STAR: variants seen among roughly 807,000 people sequenced by gnomAD.
The protein encoded by STAR is steroidogenic acute regulatory protein, also known as steroidogenic acute regulatory protein, mitochondrial.
Under a neutral mutation model 32.3 loss-of-function variants are expected in STAR, and 32 were observed. The observed-to-expected ratio is 0.99, with a 90% CI of 0.75 to 1.33. The LOEUF is 1.33. Among genes scored for constraint, STAR ranks in the 40% most tolerant of loss-of-function variants. STAR has a pLI of 0.00. For synonymous variants in STAR, 134 were observed against 140.5 expected (o/e 0.95, Z 0.33); for missense variants, 375 against 379.0 (o/e 0.99, Z 0.09).
intron 5 of STAR, 74 bp downstream of exon 5, chr8:38,145,889 A>G: frequency 1.9e-6 from 3 of 1,586,620 alleles, no homozygotes; most frequent in Non-Finnish European, 2.6e-6. Context: ...CTGGGGATGC[A>G]GTCCACATGC....
chr8:38,145,711 C>T (rs916059125), intron 5 of STAR: 12 of 594,374 alleles, frequency 2.0e-5, no homozygotes, highest in Non-Finnish European at 3.6e-5. Context: ...CTCAGCCCTG[C>T]CCCATGCTTC....
chr8:38,145,056 A>T, intron 6 of STAR, 166 bp downstream of exon 6: 1 of 1,480,490 alleles, frequency 6.8e-7, no homozygotes, highest in African/African-American at 1.4e-5. Flanking sequence ...CAGGCTTTGG[A>T]GATGGTAGAG....
chr8:38,147,672 A>G (rs951401439), intron 3 of STAR, among the ~76,000 whole-genome samples: 1 of 152,246 alleles, frequency 6.6e-6, no homozygotes, highest in East Asian at 1.9e-4. Context: ...TAAAGCCACC[A>G]AAATCTCCAT....
chr8:38,147,286 T>C (rs1202506732), intron 3 of STAR, among the ~76,000 whole-genome samples: 1 of 152,174 alleles, frequency 6.6e-6, no homozygotes, highest in African/African-American at 2.4e-5. Flanking sequence ...GGACCCTTTG[T>C]CTTGGTGGTG....
chr8:38,143,539 T>C lies in STAR; in HGVS notation c.*734A>G, dbSNP rs1308637448. 6.5e-6 allele frequency: 1 copy of C among 152,874 alleles called. No individual in the cohort carries two copies. Among genetic ancestry groups the C allele is most frequent in the Admixed American group, 6.5e-5 (1 of 15,360 alleles). 9.5% of individuals were successfully genotyped at this position (152,874 alleles called of 1,614,324 possible). On this transcript the variant is annotated 3_prime_UTR_variant, in exon 7 of 7. Coordinates refer to ENST00000276449, the MANE Select transcript of STAR (RefSeq NM_000349.3). Reference sequence around the variant, plus strand: ...CCAGGATGGTCTCGATCTCCTGACCTTGTGATCCGCCTACCTCAGCCTCCC... The same window carrying C: ...CCAGGATGGTCTCGATCTCCTGACCCTGTGATCCGCCTACCTCAGCCTCCC...
intron 5 of STAR, 51 bp from the exon 6 acceptor site, chr8:38,145,366 C>A: frequency 6.2e-7 from 1 of 1,612,792 alleles, no homozygotes. Context: ...TTCTCTCTTG[C>A]ACTGGCTGCT....
In STAR at chr8:38,145,177, T is replaced by G. The variant is rs567031256; in HGVS notation, c.744+45A>C. ...GGGGGGAATGGGAAGAGCCTGTTTTTCTCACTACCACCTGCCTTCCAGGTC... is the reference window on the plus strand; with the variant it reads ...GGGGGGAATGGGAAGAGCCTGTTTTGCTCACTACCACCTGCCTTCCAGGTC... On this transcript the variant is annotated intron_variant, in intron 6 of 6. Transcript: ENST00000276449. 7 of 1,613,582 alleles carry G rather than the reference T, an allele frequency of 4.3e-6. No homozygotes were observed. In the South Asian group the frequency reaches 6.6e-5, roughly 15 times the overall value.
rs376061993 is a variant in STAR at position 38,150,838 on chromosome 8, C to G, written c.-20G>C. ...CAGCATTGTTTCCTGGCAAATGTGG[C>G]AGTGGTGGGGTCGCTGCCGCTGCTG... is the stretch of plus-strand genomic sequence containing the variant. On this transcript the variant is annotated 5_prime_UTR_variant, in exon 1 of 7. Coordinates refer to ENST00000276449, the MANE Select transcript of STAR (RefSeq NM_000349.3). 1.3e-4 allele frequency: 212 copies of G among 1,603,430 alleles called. No homozygotes were observed. The highest frequency in any genetic ancestry group is 1.7e-4 in the Non-Finnish European group (200 of 1,179,922).
intron 6 of STAR, 179 bp from the exon 7 acceptor site, chr8:38,144,565 T>C: frequency 6.2e-6 from 9 of 1,457,174 alleles, no homozygotes; most frequent in Non-Finnish European, 8.2e-6. Context: ...GTCATGACTT[T>C]CAGAAGCACA....
chr8:38,144,307 A>G lies in STAR; in HGVS notation c.824T>C (p.Leu275Pro), dbSNP rs762245736. The G allele has an allele frequency of 9.9e-6, 16 of 1,609,722 alleles. No homozygotes were observed. Among genetic ancestry groups the G allele is most frequent in the Non-Finnish European group, 1.3e-5 (15 of 1,178,296 alleles). The change falls in exon 7 of 7, where the codon CTG (leucine) becomes CCG (proline). Residue 275 changes from leucine to proline, a missense_variant. Transcript: ENST00000276449. ...GGCTTCAGAGGCAGGGTGGGACTCC[A>G]GGCGCTTGCGCAGGTGGTTGGCAAA... Reference protein sequence around the residue: ...VDFANHLRKRLESHPASEARC With the variant: ...VDFANHLRKRPESHPASEARC
chr8:38,148,873 A>G, intron 1 of STAR, 119 bp from the exon 2 acceptor site: 2 of 771,178 alleles, frequency 2.6e-6, no homozygotes, highest in East Asian at 2.7e-5. Flanking sequence ...TGACTTGCTC[A>G]GGAGCACACA....
Position 38,148,765 on chromosome 8 carries a change from GA to G in STAR, c.65-12del. 6.2e-7 allele frequency: 1 copy of G among 1,610,306 alleles called. No homozygotes were observed. Among genetic ancestry groups the G allele is most frequent in the Non-Finnish European group, 8.5e-7 (1 of 1,177,982 alleles). On this transcript the variant is annotated splice_polypyrimidine_tract_variant and intron_variant, in intron 1 of 6. Coordinates refer to ENST00000276449, the MANE Select transcript of STAR (RefSeq NM_000349.3). ...CCTGTTGCCTCAGCCCTGCAGAAGGGAATAACCCTTGTCTAGGAGCTGGAAA... is the reference window on the plus strand; with the variant it reads ...CCTGTTGCCTCAGCCCTGCAGAAGGGATAACCCTTGTCTAGGAGCTGGAAA...
rs186560887 is a variant in STAR, at chr8:38,148,441, T to C, written c.179-114A>G. ...CTCTGAAGAGCCCGGACTAAAGCCA[T>C]AGGGGCCAGCCTGCTGGTCGAGTTA... On this transcript the variant is annotated intron_variant, in intron 2 of 6. Transcript: ENST00000276449. 1.4e-4 allele frequency: 220 copies of C among 1,538,010 alleles called. 1 individual carries two copies. The East Asian group carries it at 4.9e-3, about 34-fold the overall frequency.
chr8:38,144,356 C>T lies in STAR; in HGVS notation c.775G>A (p.Val259Ile), dbSNP rs1802524519. The change falls in exon 7 of 7, where the codon GTC (valine) becomes ATC (isoleucine). Residue 259 changes from valine to isoleucine, a missense_variant. Val to Ile is a conservative substitution (Grantham distance 29, BLOSUM62 3). Coordinates refer to ENST00000276449, the MANE Select transcript of STAR (RefSeq NM_000349.3). ...AAATCCACCTGGGTCTGGGACAGGACCTGGTTGATGATGCTCTTGGGCAGC... is the reference window on the plus strand; with the variant it reads ...AAATCCACCTGGGTCTGGGACAGGATCTGGTTGATGATGCTCTTGGGCAGC... ...GWLPKSIINQ[V>I]LSQTQVDFAN... The T allele has an allele frequency of 6.2e-7, 1 of 1,606,724 alleles. No homozygotes were observed. Among genetic ancestry groups the T allele is most frequent in the African/African-American group, 1.3e-5 (1 of 74,714 alleles).
At chr8:38,150,276 G>T (rs1006928039) in intron 1 of STAR, among the ~76,000 whole-genome samples, 2 of 152,104 alleles carry the variant, frequency 1.3e-5, no homozygotes, top group Admixed American at 1.3e-4. Flanking sequence ...GTGCACGCCT[G>T]TAGTCCCAGG....
intron 6 of STAR, chr8:38,144,851 A>T (rs1291628531): frequency 1.7e-6 from 1 of 588,570 alleles, no homozygotes; most frequent in Non-Finnish European, 2.5e-6. Flanking sequence ...TCTACTAAAA[A>T]TACAAAAATT....
rs574377028 is a variant in STAR, at chr8:38,148,926, C to CCATG, written c.65-176_65-173dup. The CCATG allele has an allele frequency of 3.1e-4, 194 of 628,184 alleles. 1 individual carries two copies. Among genetic ancestry groups the CCATG allele is most frequent in the African/African-American group, 2.5e-3 (135 of 55,076 alleles). The allele number at this position is 628,184 out of a possible 1,614,324, so 38.9% of individuals were successfully genotyped here. ...TGAACTAGAGCCAGGCCCTCAACTCCCATGGCAGTGCTCCAGGGTCCAGAA... is the reference window on the plus strand; with the variant it reads ...TGAACTAGAGCCAGGCCCTCAACTCCCATGCATGGCAGTGCTCCAGGGTCCAGAA... On this transcript the variant is annotated intron_variant, in intron 1 of 6. Coordinates refer to ENST00000276449, the MANE Select transcript of STAR (RefSeq NM_000349.3).
rs1195203657 is a variant in STAR at position 38,144,210 on chromosome 8, G to A, written c.*63C>T. On this transcript the variant is annotated 3_prime_UTR_variant, in exon 7 of 7. Transcript: ENST00000276449. Reference sequence around the variant, plus strand: ...CTTAGACTTGCAGGCTTCCAGTAGGGATTCTCCTGATGAGCGTGTGTACCA... The same window carrying A: ...CTTAGACTTGCAGGCTTCCAGTAGGAATTCTCCTGATGAGCGTGTGTACCA... 2 of 1,497,380 alleles carry A rather than the reference G, an allele frequency of 1.3e-6. No individual in the cohort carries two copies. The highest frequency in any genetic ancestry group is 1.2e-5 in the South Asian group (1 of 83,060). 92.8% of individuals were successfully genotyped at this position (1,497,380 alleles called of 1,614,324 possible).
intron 1 of STAR, among the ~76,000 whole-genome samples, chr8:38,149,552 T>A (rs1802633591): frequency 6.6e-6 from 1 of 152,178 alleles, no homozygotes; most frequent in Non-Finnish European, 1.5e-5. Context: ...CCCCTATGTC[T>A]CTTCTCCGTC....
Sources: gnomAD v4.1 joint callset for allele counts (sites outside exome capture counted in the v4.1 genomes callset) on GRCh38, gnomAD v4.1.1 for gene constraint, MANE v1.5 for transcripts, NCBI Gene and HGNC (gene_info 2026-07-23, HGNC 2026-07-21) for gene names.